The following PPP3R1 variants were observed in gnomAD, a reference collection of about 807,000 sequenced individuals.
PPP3R1 encodes the protein protein phosphatase 3 regulatory subunit B, alpha.
PPP3R1 carries 5 observed loss-of-function variants against 22.6 expected under a neutral mutation model. The observed-to-expected ratio is 0.22, with a 90% confidence interval of 0.12 to 0.46. The LOEUF is 0.46. Ranked by LOEUF, PPP3R1 falls within the 20% of genes least tolerant of loss-of-function variation. The pLI, the probability that PPP3R1 is intolerant of heterozygous loss-of-function variation, is 0.99. For synonymous variants in PPP3R1, 56 were observed against 65.2 expected (o/e 0.86, Z 0.68); for missense variants, 61 against 203.2 (o/e 0.30, Z 4.25).
intron 1 of PPP3R1, among the ~76,000 whole-genome samples, chr2:68,249,456 G>A (rs1670296906): frequency 6.6e-6 from 1 of 151,958 alleles, no homozygotes; most frequent in South Asian, 2.1e-4. Flanking sequence ...AAAGCACAAA[G>A]ACATGAAAAG....
At chr2:68,192,105 A>G (rs1674679200) in intron 2 of PPP3R1, among the ~76,000 whole-genome samples, 1 of 152,190 alleles carries the variant, frequency 6.6e-6, no homozygotes, top group South Asian at 2.1e-4. Flanking sequence ...TCAGTATTTA[A>G]AACTACTAGC....
chr2:68,182,087 AC>A lies in PPP3R1; in HGVS notation c.466-1078del, dbSNP rs1312970788. On this transcript the variant is annotated intron_variant, in intron 5 of 5. Coordinates refer to ENST00000234310, the MANE Select transcript of PPP3R1 (RefSeq NM_000945.4). ...CCTCCTCCAACCCCCCCCTCCCCCC[AC>A]CACACACACACGACCAGTAGCTACT... Among the ~76,000 whole-genome samples, 15 of 33,048 alleles carry A rather than the reference AC, an allele frequency of 4.5e-4. No homozygotes were observed. In the South Asian group the frequency reaches 6.7e-3, roughly 15 times the overall value. 21.7% of individuals were successfully genotyped at this position (33,048 alleles called of 152,430 possible).
At position 68,182,807 on chromosome 2, in the gene PPP3R1, C is replaced by G. The variant is rs1674442453; in HGVS notation, c.466-1797G>C. ...TAAACAGAACTATGTATTATGATTACTTTTTCTTTCCTGCACATTTGTTTG... is the reference window on the plus strand; with the variant it reads ...TAAACAGAACTATGTATTATGATTAGTTTTTCTTTCCTGCACATTTGTTTG... On this transcript the variant is annotated intron_variant, in intron 5 of 5. Transcript: ENST00000234310. Among the ~76,000 whole-genome samples the G allele has an allele frequency of 2.0e-5, 3 of 150,844 alleles. No individual in the cohort carries two copies. In the South Asian group the frequency reaches 6.2e-4, roughly 31 times the overall value.
intron 1 of PPP3R1, among the ~76,000 whole-genome samples, chr2:68,241,286 T>C (rs915254890): frequency 2.0e-5 from 3 of 152,244 alleles, no homozygotes; most frequent in Non-Finnish European, 4.4e-5. Context: ...ACTAAATTTT[T>C]ATTTGTATTA....
chr2:68,207,481 T>C (rs1229960644), intron 2 of PPP3R1, among the ~76,000 whole-genome samples: 1 of 152,128 alleles, frequency 6.6e-6, no homozygotes, highest in Non-Finnish European at 1.5e-5. Context: ...ACCACACAAA[T>C]AAAAAACCAT....
intron 1 of PPP3R1, among the ~76,000 whole-genome samples, chr2:68,230,166 G>C (rs900785163): frequency 6.6e-6 from 1 of 151,876 alleles, no homozygotes; most frequent in Non-Finnish European, 1.5e-5. Context: ...CTAATTTTTT[G>C]TATTTTTGGT....
intron 2 of PPP3R1, 84 bp from the exon 3 acceptor site, chr2:68,188,774 A>C (rs1325640512): frequency 3.1e-6 from 4 of 1,284,918 alleles, no homozygotes; most frequent in Admixed American, 6.0e-5. Flanking sequence ...GATTTTAAAA[A>C]AAATTTTAAT....
In PPP3R1 at chr2:68,179,333, AAAATTATGC is replaced by A. The variant is rs1674354986; in HGVS notation, c.*1621_*1629del. On this transcript the variant is annotated 3_prime_UTR_variant, in exon 6 of 6. Coordinates refer to ENST00000234310, the MANE Select transcript of PPP3R1 (RefSeq NM_000945.4). ...CCAAAGTTTGGCAACATTATCTTTT[AAAATTATGC>A]AAATTATGTAAACAAGAGGTACATT... 1 of 152,496 alleles carries A rather than the reference AAAATTATGC, an allele frequency of 6.6e-6. No homozygotes were observed. The highest frequency in any genetic ancestry group is 2.1e-4 in the South Asian group (1 of 4,832). 9.4% of individuals were successfully genotyped at this position (152,496 alleles called of 1,614,324 possible). A position where few individuals can be genotyped will look rare whatever the true frequency, so the allele number is the denominator to read the frequency against.
At chr2:68,241,243 T>C (rs540027196) in intron 1 of PPP3R1, among the ~76,000 whole-genome samples, 1 of 152,320 alleles carries the variant, frequency 6.6e-6, no homozygotes, top group Admixed American at 6.5e-5. Context: ...CTGGATTACT[T>C]GCAATATCTA....
chr2:68,224,519 C>G (rs867933776), intron 1 of PPP3R1, among the ~76,000 whole-genome samples: 1 of 151,918 alleles, frequency 6.6e-6, no homozygotes, highest in South Asian at 2.1e-4. Context: ...AAAAAACTAG[C>G]CGGGCGTGGT....
chr2:68,181,720 A>G (rs1021968297), intron 5 of PPP3R1, among the ~76,000 whole-genome samples: 4 of 151,680 alleles, frequency 2.6e-5, no homozygotes, highest in African/African-American at 9.7e-5. Context: ...TCAGTAGTTT[A>G]ATATCACACG....
At chr2:68,190,636 C>T (rs1392164596) in intron 2 of PPP3R1, among the ~76,000 whole-genome samples, 1 of 152,076 alleles carries the variant, frequency 6.6e-6, no homozygotes, top group Non-Finnish European at 1.5e-5. Flanking sequence ...AGGTGCTTTC[C>T]TTTAGAGAAA....
intron 2 of PPP3R1, among the ~76,000 whole-genome samples, chr2:68,206,624 C>A (rs1675131362): frequency 6.6e-6 from 1 of 152,188 alleles, no homozygotes; most frequent in African/African-American, 2.4e-5. Context: ...AAATGTCACC[C>A]CTTCCAGGAG....
chr2:68,190,545 G>C (rs115998691), intron 2 of PPP3R1, among the ~76,000 whole-genome samples: 1 of 152,012 alleles, frequency 6.6e-6, no homozygotes, highest in Non-Finnish European at 1.5e-5. Flanking sequence ...TAGCCTGGGC[G>C]ACAAAAGGGA....
chr2:68,240,023 T>G (rs1231234291), intron 1 of PPP3R1, among the ~76,000 whole-genome samples: 1 of 152,256 alleles, frequency 6.6e-6, no homozygotes. Context: ...TGTAGGCTAA[T>G]GTAAGTGTTC....
chr2:68,187,915 C>A (rs1413163000), intron 3 of PPP3R1, among the ~76,000 whole-genome samples: 1 of 151,936 alleles, frequency 6.6e-6, no homozygotes, highest in Non-Finnish European at 1.5e-5. Context: ...TGCCTGTAAT[C>A]CCAGCATTTT....
chr2:68,244,551 TTCTC>T (rs1038026707), intron 1 of PPP3R1, among the ~76,000 whole-genome samples: 1 of 152,180 alleles, frequency 6.6e-6, no homozygotes, highest in African/African-American at 2.4e-5. Flanking sequence ...CTCTGATTTT[TTCTC>T]TCTCTTTTAA....
intron 1 of PPP3R1, among the ~76,000 whole-genome samples, chr2:68,235,412 T>G (rs115550256): frequency 1.3e-5 from 2 of 152,330 alleles, no homozygotes; most frequent in East Asian, 3.9e-4. Context: ...ATCTACTTTC[T>G]GGCTCTACAT....
At chr2:68,250,541 A>G (rs867060300) in intron 1 of PPP3R1, among the ~76,000 whole-genome samples, 1 of 152,268 alleles carries the variant, frequency 6.6e-6, no homozygotes, top group East Asian at 1.9e-4. Flanking sequence ...AAGCATGTGC[A>G]TAAGGAAATT....
Sources: gnomAD v4.1 joint callset for allele counts (sites outside exome capture counted in the v4.1 genomes callset) on GRCh38, gnomAD v4.1.1 for gene constraint, MANE v1.5 for transcripts, NCBI Gene and HGNC (gene_info 2026-07-23, HGNC 2026-07-21) for gene names.